The following PIPOX variants were observed in gnomAD, a reference collection of about 807,000 sequenced individuals.
The protein encoded by PIPOX is peroxisomal sarcosine oxidase.
Under a neutral mutation model 47.9 loss-of-function variants are expected in PIPOX, and 45 were observed. The ratio of observed to expected loss-of-function variants is 0.94; its 90% CI spans 0.74 to 1.20. The LOEUF (loss-of-function observed/expected upper bound fraction) is 1.20. PIPOX is among the 50% of genes most tolerant of loss of function. PIPOX has a pLI of 0.00. For missense variants in PIPOX, 458 were observed against 498.4 expected (o/e 0.92, Z 0.77); for synonymous variants, 165 against 191.3 (o/e 0.86, Z 1.13).
Position 29,055,134 on chromosome 17 carries a change from AG to A in PIPOX, c.880del (p.Asp294ThrfsTer5), listed in dbSNP as rs1284526884. 2 of 1,614,114 alleles carry A rather than the reference AG, an allele frequency of 1.2e-6. No homozygotes were observed. Among genetic ancestry groups the A allele is most frequent in the Non-Finnish European group, 1.7e-6 (2 of 1,180,016 alleles). ...GCCCCACAGCACGCACAGACATCGG[AG>A]ACGTCCAGATCCTGAGCAGCTTTGT... The part of the protein sequence containing the change: ...DCPTARTDIG[D>X]VQILSSFVRD... On this transcript the variant is annotated frameshift_variant, in exon 6 of 8. Transcript: ENST00000323372. LOFTEE classifies it high-confidence loss of function.
rs918469154 is a variant in PIPOX, at chr17:29,056,165, C to T, written c.1043-10C>T. Reference sequence around the variant, plus strand: ...TGAAGCTGCCTGAGAGTCTGCTCTTCCCTTCCTAGGGCACGGGTTCAAGCT... The same window carrying T: ...TGAAGCTGCCTGAGAGTCTGCTCTTTCCTTCCTAGGGCACGGGTTCAAGCT... On this transcript the variant is annotated splice_polypyrimidine_tract_variant and intron_variant, in intron 7 of 7. Coordinates refer to ENST00000323372, the MANE Select transcript of PIPOX (RefSeq NM_016518.3). 3.1e-6 allele frequency: 5 copies of T among 1,613,940 alleles called. No individual in the cohort carries two copies. Among genetic ancestry groups the T allele is most frequent in the Non-Finnish European group, 4.2e-6 (5 of 1,179,974 alleles).
At position 29,053,031 on chromosome 17, in the gene PIPOX, G is replaced by A. The variant is rs746650424; in HGVS notation, c.375G>A (p.Leu125=). 2 of 1,614,284 alleles carry A rather than the reference G, an allele frequency of 1.2e-6. No homozygotes were observed. Among genetic ancestry groups the A allele is most frequent in the Non-Finnish European group, 1.7e-6 (2 of 1,180,048 alleles). Residue 125 remains leucine (L), a synonymous_variant, in exon 3 of 8, where the codon CTG becomes CTA. Coordinates refer to ENST00000323372, the MANE Select transcript of PIPOX (RefSeq NM_016518.3). ...VEHQCLSSEE[L]KQRFPNIRLP... is the part of the protein sequence containing the mutation. ...ACCAGTGTCTTTCATCTGAGGAACTGAAGCAACGTTTCCCAAATATTCGGT... is the reference window on the plus strand; with the variant it reads ...ACCAGTGTCTTTCATCTGAGGAACTAAAGCAACGTTTCCCAAATATTCGGT...
chr17:29,054,500 T>C (rs752251080), intron 4 of PIPOX, 45 bp from the exon 5 acceptor site: 1 of 1,608,744 alleles, frequency 6.2e-7, no homozygotes, highest in Non-Finnish European at 8.5e-7. Flanking sequence ...TGCTGTAGAG[T>C]TCCATGGCTT....
intron 4 of PIPOX, 157 bp downstream of exon 4, chr17:29,053,752 G>A: frequency 3.8e-6 from 2 of 527,358 alleles, no homozygotes; most frequent in South Asian, 6.7e-5. Context: ...GTAATATGGG[G>A]GATGATAGCT....
chr17:29,050,483 C>T (rs1385187216), intron 2 of PIPOX, among the ~76,000 whole-genome samples: 3 of 151,866 alleles, frequency 2.0e-5, no homozygotes, highest in Admixed American at 6.6e-5. Flanking sequence ...CGCTTGAGGC[C>T]GGGAGTTTGA....
At chr17:29,052,390 A>T (rs923961180) in intron 2 of PIPOX, among the ~76,000 whole-genome samples, 11 of 152,184 alleles carry the variant, frequency 7.2e-5, no homozygotes, top group African/African-American at 2.2e-4. Flanking sequence ...CAATAGTGAG[A>T]GCCCAAGGGC....
intron 2 of PIPOX, among the ~76,000 whole-genome samples, chr17:29,049,988 G>GC (rs1003567769): frequency 3.3e-5 from 5 of 152,200 alleles, no homozygotes; most frequent in African/African-American, 1.2e-4. Context: ...GGGATGGGGA[G>GC]CTCCCGCTTC....
In PIPOX at chr17:29,055,102, C is replaced by T. The variant is rs753730332; in HGVS notation, c.847C>T (p.Arg283Trp). The change falls in exon 6 of 8, where the codon CGG (arginine) becomes TGG (tryptophan). Residue 283 changes from arginine to tryptophan, a missense_variant. By Grantham distance (101) the Arg-to-Trp change is moderately radical. Transcript: ENST00000323372. ...HHGNHADPEE[R>W]DCPTARTDIG... ...CGGCAACCACGCAGACCCTGAGGAG[C>T]GGGACTGCCCCACAGCACGCACAGA... 25 of 1,613,990 alleles carry T rather than the reference C, an allele frequency of 1.5e-5. No individual in the cohort carries two copies. Among genetic ancestry groups the T allele is most frequent in the Middle Eastern group, 1.6e-4 (1 of 6,084 alleles).
intron 2 of PIPOX, among the ~76,000 whole-genome samples, chr17:29,050,447 A>G (rs2065801577): frequency 6.6e-6 from 1 of 152,184 alleles, no homozygotes; most frequent in Admixed American, 6.5e-5. Flanking sequence ...TAATCCTAGC[A>G]CTTTGGGAGA....
chr17:29,051,599 G>A (rs774541005), intron 2 of PIPOX, among the ~76,000 whole-genome samples: 9 of 152,136 alleles, frequency 5.9e-5, no homozygotes, highest in East Asian at 1.9e-4. Flanking sequence ...GTTTCTATCC[G>A]TTTCCCCCCA....
chr17:29,044,927 A>G lies in PIPOX; in HGVS notation c.183A>G (p.Glu61=). The part of the protein sequence containing the change: ...QSRIIRKAYL[E]DFYTRMMHEC... ...GGATAATCCGAAAGGCGTACCTGGA[A>G]GACTTTTACACCCGGATGATGCATG... The change falls in exon 2 of 8, where the codon GAA becomes GAG. Residue 61 remains glutamate (E), a synonymous_variant. Coordinates refer to ENST00000323372, the MANE Select transcript of PIPOX (RefSeq NM_016518.3). 1 of 1,614,180 alleles carries G rather than the reference A, an allele frequency of 6.2e-7. No individual in the cohort carries two copies. The highest frequency in any genetic ancestry group is 8.5e-7 in the Non-Finnish European group (1 of 1,180,032).
At chr17:29,051,526 G>A (rs1022562560) in intron 2 of PIPOX, among the ~76,000 whole-genome samples, 8 of 152,212 alleles carry the variant, frequency 5.3e-5, no homozygotes, top group African/African-American at 1.9e-4. Context: ...GCTGGGCAGT[G>A]CAGCAGCTGC....
chr17:29,056,050 A>T, intron 7 of PIPOX, 125 bp from the exon 8 acceptor site: 1 of 1,344,984 alleles, frequency 7.4e-7, no homozygotes, highest in Non-Finnish European at 1.1e-6. Flanking sequence ...TCATGGTGGG[A>T]GGCCACTTCT....
rs193152650 is a variant in PIPOX at position 29,044,516 on chromosome 17, C to T, written c.115-343C>T. ...GGGGACAGGATCTCACTCTATTGCA[C>T]GGGCTGGAGTGCAGTGGTACTATCA... On this transcript the variant is annotated intron_variant, in intron 1 of 7. Coordinates refer to ENST00000323372, the MANE Select transcript of PIPOX (RefSeq NM_016518.3). 29 of 166,730 alleles carry T rather than the reference C, an allele frequency of 1.7e-4. No homozygotes were observed. In the East Asian group the frequency reaches 3.5e-3, roughly 20 times the overall value. The allele number at this position is 166,730 out of a possible 1,614,324, so 10.3% of individuals were successfully genotyped here. A position where few individuals can be genotyped will look rare whatever the true frequency, so the allele number is the denominator to read the frequency against.
intron 2 of PIPOX, among the ~76,000 whole-genome samples, chr17:29,050,779 C>T (rs774559435): frequency 1.3e-5 from 2 of 151,308 alleles, no homozygotes; most frequent in African/African-American, 2.4e-5. Flanking sequence ...GAGCTGTGAA[C>T]GTGCCACTGC....
In PIPOX at chr17:29,053,559, G is replaced by C. The variant is rs1289514068; in HGVS notation, c.624G>C (p.Gln208His). 6.2e-7 allele frequency: 1 copy of C among 1,608,946 alleles called. No homozygotes were observed. The highest frequency in any genetic ancestry group is 1.3e-5 in the African/African-American group (1 of 74,792). Residue 208 changes from glutamine (Q) to histidine (H), a missense_variant, in exon 4 of 8, where the codon CAG (glutamine) becomes CAC (histidine). Physicochemically the swap from Gln to His is conservative, Grantham distance 24. Coordinates refer to ENST00000323372, the MANE Select transcript of PIPOX (RefSeq NM_016518.3). Reference protein sequence around the residue: ...LVITAGPWTNQLLRPLGIEMP... With the variant: ...LVITAGPWTNHLLRPLGIEMP... ...TCACAGCAGGTCCTTGGACCAACCA[G>C]CTCCTCCGTCCCCTGGGCATTGAGA...
chr17:29,052,287 C>T (rs1188761638), intron 2 of PIPOX, among the ~76,000 whole-genome samples: 1 of 152,208 alleles, frequency 6.6e-6, no homozygotes, highest in Non-Finnish European at 1.5e-5. Context: ...GAACTTCCAC[C>T]ACTTCCAAGC....
intron 2 of PIPOX, chr17:29,046,842 C>A: frequency 1.3e-6 from 1 of 798,128 alleles, no homozygotes; most frequent in Non-Finnish European, 1.5e-6. Context: ...AGCTGTTGAA[C>A]CTCTGGTGAG....
Position 29,053,524 on chromosome 17 carries a change from A to G in PIPOX, c.589A>G (p.Ser197Gly). The G allele has an allele frequency of 6.2e-7, 1 of 1,614,036 alleles. No individual in the cohort carries two copies. The highest frequency in any genetic ancestry group is 8.5e-7 in the Non-Finnish European group (1 of 1,179,936). ...KTTSRSYQAK[S>G]LVITAGPWTN... ...CACCTCCAGGAGCTACCAAGCTAAG[A>G]GCTTGGTCATCACAGCAGGTCCTTG... is the stretch of plus-strand genomic sequence containing the variant. The change falls in exon 4 of 8, where the codon AGC (serine) becomes GGC (glycine). Residue 197 changes from serine (S) to glycine (G), a missense_variant. Transcript: ENST00000323372.
Sources: gnomAD v4.1 joint callset for allele counts (sites outside exome capture counted in the v4.1 genomes callset) on GRCh38, gnomAD v4.1.1 for gene constraint, MANE v1.5 for transcripts, NCBI Gene and HGNC (gene_info 2026-07-23, HGNC 2026-07-21) for gene names.